HIVEP3: variants seen among roughly 807,000 people sequenced by gnomAD.
The protein encoded by HIVEP3 is HIVEP zinc finger 3.
Under a neutral mutation model 152.8 loss-of-function variants are expected in HIVEP3, and 49 were observed. That is an observed-to-expected ratio of 0.32 (90% confidence interval 0.26 to 0.41). The LOEUF (loss-of-function observed/expected upper bound fraction) is 0.41. HIVEP3 is among the 10% of genes least tolerant of loss of function. The probability of loss-of-function intolerance (pLI) is 1.00; values close to 1 mark genes in which losing one functional copy is unlikely to be tolerated. For synonymous variants in HIVEP3, 1,269 were observed against 1,289.0 expected (o/e 0.98, Z 0.33); for missense variants, 2,790 against 3,103.3 (o/e 0.90, Z 2.40).
At chr1:41,659,894 G>A (rs1237523486) in intron 2 of HIVEP3, among the ~76,000 whole-genome samples, 1 of 152,224 alleles carries the variant, frequency 6.6e-6, no homozygotes, top group Non-Finnish European at 1.5e-5. Context: ...GGGACAAGGG[G>A]ACATCCCCAT....
chr1:41,810,703 T>C (rs1038170242), intron 1 of HIVEP3, among the ~76,000 whole-genome samples: 1 of 152,252 alleles, frequency 6.6e-6, no homozygotes, highest in African/African-American at 2.4e-5. Flanking sequence ...AACAGTGTCA[T>C]GGTGAAATGT....
chr1:41,994,888 C>A (rs776298093), intron 1 of HIVEP3, among the ~76,000 whole-genome samples: 16 of 151,448 alleles, frequency 1.1e-4, no homozygotes, highest in Non-Finnish European at 2.2e-4. Context: ...CCGAGAGGCT[C>A]CAGAAACTAA....
intron 2 of HIVEP3, among the ~76,000 whole-genome samples, chr1:41,648,772 C>A (rs1570216978): frequency 6.6e-6 from 1 of 152,342 alleles, no homozygotes; most frequent in South Asian, 2.1e-4. Flanking sequence ...AAGTGACTTG[C>A]CCAAAGTCAT....
chr1:42,005,406 A>G (rs562141906), intron 1 of HIVEP3, among the ~76,000 whole-genome samples: 1 of 152,256 alleles, frequency 6.6e-6, no homozygotes, highest in South Asian at 2.1e-4. Context: ...ATATATATAC[A>G]CACATATGTG....
chr1:41,572,563 G>A (rs909283654), intron 5 of HIVEP3, among the ~76,000 whole-genome samples: 5 of 152,168 alleles, frequency 3.3e-5, no homozygotes, highest in Non-Finnish European at 7.3e-5. Context: ...CCACCTTGGT[G>A]TAGTCCCCAA....
intron 1 of HIVEP3, among the ~76,000 whole-genome samples, chr1:41,815,344 T>C (rs1383303910): frequency 6.6e-6 from 1 of 152,120 alleles, no homozygotes; most frequent in Non-Finnish European, 1.5e-5. Context: ...TGGTGGTGCA[T>C]GCCTGCAGCC....
intron 1 of HIVEP3, among the ~76,000 whole-genome samples, chr1:41,961,676 T>G (rs1218346447): frequency 6.6e-6 from 1 of 152,270 alleles, no homozygotes; most frequent in African/African-American, 2.4e-5. Context: ...TGTGTGGGAT[T>G]GCATTGTTGT....
At position 41,580,158 on chromosome 1, in the gene HIVEP3, G is replaced by A; in HGVS notation, c.4640C>T (p.Thr1547Ile). 6.2e-7 allele frequency: 1 copy of A among 1,613,482 alleles called. No individual in the cohort carries two copies. Among genetic ancestry groups the A allele is most frequent in the Non-Finnish European group, 8.5e-7 (1 of 1,179,604 alleles). Residue 1547 changes from threonine (T) to isoleucine (I), a missense_variant, in exon 4 of 9, where the codon ACC becomes ATC. Physicochemically the swap from Thr to Ile is moderately conservative, Grantham distance 89. Coordinates refer to ENST00000372583, the MANE Select transcript of HIVEP3 (RefSeq NM_024503.5). ...PSGKPHRRGL[T>I]PLSVKKEDSK... is the part of the protein sequence containing the mutation. ...ATCTTCTTTCTTCACGCTCAGTGGG[G>A]TCAACCCTCTTCGGTGAGGTTTGCC...
At chr1:41,768,170 T>G (rs1648131219) in intron 1 of HIVEP3, among the ~76,000 whole-genome samples, 1 of 152,078 alleles carries the variant, frequency 6.6e-6, no homozygotes. Context: ...GAAAAAGAGG[T>G]TTAATGGACT....
At chr1:41,675,379 C>G (rs1293219343) in intron 2 of HIVEP3, among the ~76,000 whole-genome samples, 1 of 152,302 alleles carries the variant, frequency 6.6e-6, no homozygotes, top group East Asian at 1.9e-4. Flanking sequence ...GCGGACTCCT[C>G]TTCAACCTTT....
intron 1 of HIVEP3, among the ~76,000 whole-genome samples, chr1:41,832,645 C>A (rs1642998310): frequency 1.3e-5 from 2 of 152,216 alleles, no homozygotes. Flanking sequence ...GGATGTGAGT[C>A]TTTGAGCCAG....
chr1:41,932,798 G>A (rs369760749), intron 1 of HIVEP3, among the ~76,000 whole-genome samples: 2 of 151,488 alleles, frequency 1.3e-5, no homozygotes, highest in Non-Finnish European at 2.9e-5. Flanking sequence ...CTCTTTTGTA[G>A]TGTAAGCATT....
chr1:41,631,002 G>C (rs1470903150), intron 2 of HIVEP3, among the ~76,000 whole-genome samples: 1 of 152,218 alleles, frequency 6.6e-6, no homozygotes, highest in East Asian at 1.9e-4. Context: ...AGTGATTCCT[G>C]AATGAATACA....
At chr1:41,798,780 T>C (rs1650130063) in intron 1 of HIVEP3, among the ~76,000 whole-genome samples, 1 of 152,226 alleles carries the variant, frequency 6.6e-6, no homozygotes, top group South Asian at 2.1e-4. Flanking sequence ...AAATCAGCAT[T>C]TTGTCATAGA....
chr1:41,603,324 T>C (rs1644773203), intron 3 of HIVEP3, among the ~76,000 whole-genome samples: 1 of 151,996 alleles, frequency 6.6e-6, no homozygotes, highest in Admixed American at 6.6e-5. Flanking sequence ...CACCTCGGCC[T>C]CCCAAAGCGC....
intron 4 of HIVEP3, 64 bp downstream of exon 4, chr1:41,579,673 C>A: frequency 6.6e-7 from 1 of 1,506,852 alleles, no homozygotes; most frequent in South Asian, 1.4e-5. Context: ...GATACTGTGG[C>A]TTTAAAAGCT....
intron 1 of HIVEP3, among the ~76,000 whole-genome samples, chr1:41,977,590 GT>G (rs569451476): frequency 6.6e-6 from 1 of 152,236 alleles, no homozygotes; most frequent in Non-Finnish European, 1.5e-5. Context: ...GGACTAGGAA[GT>G]TCAGAAAATG....
intron 1 of HIVEP3, among the ~76,000 whole-genome samples, chr1:41,932,897 G>A (rs910999743): frequency 1.1e-4 from 17 of 151,518 alleles, no homozygotes; most frequent in Admixed American, 1.1e-3. Context: ...AGTTCAAAAC[G>A]CTTTTTTAAT....
At chr1:42,010,530 T>G (rs940568056) in intron 1 of HIVEP3, among the ~76,000 whole-genome samples, 1 of 152,236 alleles carries the variant, frequency 6.6e-6, no homozygotes, top group Admixed American at 6.5e-5. Flanking sequence ...CAAGTACATC[T>G]GGAACTCCAC....
Sources: allele counts gnomAD v4.1 joint callset (sites outside exome capture counted in the v4.1 genomes callset), GRCh38; gene constraint gnomAD v4.1.1; transcripts MANE v1.5; gene names NCBI Gene and HGNC (gene_info 2026-07-23, HGNC 2026-07-21).